The following PSPC1 variants were observed in gnomAD, a reference collection of about 807,000 sequenced individuals.
PSPC1 encodes paraspeckle protein 1.
Under a neutral mutation model 51.6 loss-of-function variants are expected in PSPC1, and 14 were observed. The observed-to-expected ratio is 0.27, with a 90% CI of 0.18 to 0.42. PSPC1 has a LOEUF of 0.42. Among genes scored for constraint, PSPC1 ranks in the 10% least tolerant of loss-of-function variants. The pLI, the probability that PSPC1 is intolerant of heterozygous loss-of-function variation, is 1.00. For missense variants in PSPC1, 406 were observed against 701.1 expected (o/e 0.58, Z 4.75); for synonymous variants, 193 against 231.9 (o/e 0.83, Z 1.53).
intron 1 of PSPC1, among the ~76,000 whole-genome samples, chr13:19,777,657 A>T (rs1443680008): frequency 2.6e-5 from 4 of 151,864 alleles, no homozygotes; most frequent in African/African-American, 9.7e-5. Context: ...GCCCTAAAAA[A>T]TACAGTCTCA....
At chr13:19,738,705 A>G (rs776161461) in intron 5 of PSPC1, among the ~76,000 whole-genome samples, 1 of 152,086 alleles carries the variant, frequency 6.6e-6, no homozygotes, top group Non-Finnish European at 1.5e-5. Flanking sequence ...CACGAGTTCG[A>G]GACCATCCTG....
intron 2 of PSPC1, among the ~76,000 whole-genome samples, chr13:19,766,988 A>C (rs890810731): frequency 6.6e-6 from 1 of 152,028 alleles, no homozygotes; most frequent in Non-Finnish European, 1.5e-5. Context: ...AGCCTGGACA[A>C]AATGACAAAA....
intron 6 of PSPC1, among the ~76,000 whole-genome samples, chr13:19,697,144 T>G (rs1879356886): frequency 6.6e-6 from 1 of 152,100 alleles, no homozygotes; most frequent in South Asian, 2.1e-4. Context: ...GCACAATATC[T>G]GAAAACAGAT....
At chr13:19,737,153 A>C in intron 5 of PSPC1, 1 of 152,078 alleles carries the variant, frequency 6.6e-6, no homozygotes, top group East Asian at 1.9e-4. Flanking sequence ...TTGATGCCAA[A>C]CTTAATGCGG....
intron 6 of PSPC1, among the ~76,000 whole-genome samples, chr13:19,720,897 AC>A (rs1355284170): frequency 3.3e-5 from 5 of 152,108 alleles, no homozygotes; most frequent in Non-Finnish European, 5.9e-5. Context: ...TATCAATCTA[AC>A]TCAAATAAGT....
intron 6 of PSPC1, among the ~76,000 whole-genome samples, chr13:19,694,122 CAAAAAAAAAAAAAA>C (rs71092389): frequency 1.3e-4 from 6 of 47,466 alleles, no homozygotes; most frequent in Non-Finnish European, 2.2e-4. Flanking sequence ...GACTCCATCT[CAAAAAAAAAAAAAA>C]AAAAAAAAAA....
intron 5 of PSPC1, among the ~76,000 whole-genome samples, chr13:19,736,502 T>A (rs1221434773): frequency 6.6e-6 from 1 of 151,668 alleles, no homozygotes; most frequent in Non-Finnish European, 1.5e-5. Flanking sequence ...GCTAACACAG[T>A]GAAACCCCAT....
intron 6 of PSPC1, among the ~76,000 whole-genome samples, chr13:19,688,387 C>A (rs1431085536): frequency 1.3e-5 from 2 of 152,058 alleles, no homozygotes; most frequent in Non-Finnish European, 2.9e-5. Context: ...TTATTGAGAA[C>A]AAGATTCCAA....
At chr13:19,779,367 CG>C (rs1889617888) in intron 1 of PSPC1, among the ~76,000 whole-genome samples, 1 of 106,564 alleles carries the variant, frequency 9.4e-6, no homozygotes, top group African/African-American at 3.5e-5. Flanking sequence ...CCGTGCCGTC[CG>C]GGAGGGAGGT....
At chr13:19,738,203 G>A (rs561229611) in intron 5 of PSPC1, among the ~76,000 whole-genome samples, 4 of 152,244 alleles carry the variant, frequency 2.6e-5, no homozygotes, top group Non-Finnish European at 5.9e-5. Context: ...ACACCACAGA[G>A]TTCATACCTC....
intron 6 of PSPC1, among the ~76,000 whole-genome samples, chr13:19,696,798 A>G (rs1045521878): frequency 6.6e-6 from 1 of 152,186 alleles, no homozygotes; most frequent in African/African-American, 2.4e-5. Context: ...ACATTATTTC[A>G]TCTCATACTG....
intron 6 of PSPC1, among the ~76,000 whole-genome samples, chr13:19,697,355 T>G (rs1001277700): frequency 7.9e-5 from 12 of 152,194 alleles, no homozygotes; most frequent in African/African-American, 2.4e-4. Flanking sequence ...CTGTGGCTGC[T>G]GTCCCTTAAT....
intron 3 of PSPC1, 26 bp downstream of exon 3, chr13:19,759,297 C>A (rs201900312): frequency 3.8e-4 from 591 of 1,546,310 alleles, no homozygotes; most frequent in Middle Eastern, 1.0e-3. Context: ...AGTACAGACA[C>A]AAATTATCTA....
chr13:19,717,515 G>A (rs745853947), intron 6 of PSPC1, among the ~76,000 whole-genome samples: 1 of 151,788 alleles, frequency 6.6e-6, no homozygotes, highest in Non-Finnish European at 1.5e-5. Flanking sequence ...AGACCAGCCT[G>A]GTCAACATGG....
At position 19,722,865 on chromosome 13, in the gene PSPC1, T is replaced by TGATTACAGGC. The variant is rs1206433954; in HGVS notation, c.1158+7373_1158+7374insGCCTGTAATC. Among the ~76,000 whole-genome samples, 5 of 152,028 alleles carry TGATTACAGGC rather than the reference T, an allele frequency of 3.3e-5. No homozygotes were observed. The East Asian group carries it at 7.8e-4, about 24-fold the overall frequency. ...TGACTCATGCCTGTAATCCCAGCAC[T>TGATTACAGGC]TTGGGAGGCCAAGGCAGGTGGATCA... On this transcript the variant is annotated intron_variant, in intron 6 of 8. Transcript: ENST00000338910.
intron 6 of PSPC1, among the ~76,000 whole-genome samples, chr13:19,718,137 T>C (rs1293093901): frequency 1.3e-5 from 2 of 152,162 alleles, no homozygotes; most frequent in Non-Finnish European, 1.5e-5. Flanking sequence ...ACCTAATCAA[T>C]AGTGAATGCT....
rs1882424242 is a variant in PSPC1, at chr13:19,718,801, G to A, written c.1159-9202C>T. 1.3e-5 allele frequency among the ~76,000 whole-genome samples: 2 copies of A among 152,122 alleles called. 1 individual carries two copies. Among genetic ancestry groups the A allele is most frequent in the South Asian group, 4.1e-4 (2 of 4,832 alleles). ...ATATTATTCAGTGCTAAAAAGAAAT[G>A]AGCTATCAACCCATGAAAAGACATA... On this transcript the variant is annotated intron_variant, in intron 6 of 8. Transcript: ENST00000338910.
intron 6 of PSPC1, among the ~76,000 whole-genome samples, chr13:19,680,310 C>T (rs991417075): frequency 2.2e-4 from 33 of 152,246 alleles, no homozygotes; most frequent in African/African-American, 7.0e-4. Context: ...CCACCATGCC[C>T]GGCCCAATAT....
At chr13:19,737,343 T>C (rs2138000582) in intron 5 of PSPC1, 1 of 152,332 alleles carries the variant, frequency 6.6e-6, no homozygotes, top group Middle Eastern at 3.4e-3. Context: ...CAACAGTCTG[T>C]AACAGTTCAG....
Sources: allele counts gnomAD v4.1 joint callset (sites outside exome capture counted in the v4.1 genomes callset), GRCh38; gene constraint gnomAD v4.1.1; transcripts MANE v1.5; gene names NCBI Gene and HGNC (gene_info 2026-07-23, HGNC 2026-07-21).